The following BLNK variants were observed in gnomAD, a reference collection of about 807,000 sequenced individuals.
BLNK encodes B cell linker.
A neutral mutation model predicts 73.5 loss-of-function variants in BLNK; 29 were observed. That is an observed-to-expected ratio of 0.39 (90% CI 0.29 to 0.54). BLNK has a LOEUF of 0.54. Ranked by LOEUF, BLNK falls within the 20% of genes least tolerant of loss-of-function variation. The pLI is 0.61. For missense variants in BLNK, 460 were observed against 562.8 expected (o/e 0.82, Z 1.85); for synonymous variants, 176 against 200.8 (o/e 0.88, Z 1.04).
intron 3 of BLNK, among the ~76,000 whole-genome samples, chr10:96,237,145 C>T (rs942769018): frequency 6.6e-6 from 1 of 152,168 alleles, no homozygotes; most frequent in Non-Finnish European, 1.5e-5. Context: ...CCCATGTCAG[C>T]GTAAGACCAG....
intron 2 of BLNK, 82 bp from the exon 3 acceptor site, chr10:96,242,866 G>A (rs1842922226): frequency 8.9e-7 from 1 of 1,128,892 alleles, no homozygotes; most frequent in African/African-American, 1.5e-5. Context: ...GATATAGACA[G>A]AATAGATAGA....
Position 96,191,178 on chromosome 10 carries a change from T to G in BLNK, c.*795A>C, listed in dbSNP as rs587645638. Reference sequence around the variant, plus strand: ...AACATGCCTTTGCTTCTTCTTTGCCTTCTGCCATGATTGTGAGGCCTCCCC... The same window carrying G: ...AACATGCCTTTGCTTCTTCTTTGCCGTCTGCCATGATTGTGAGGCCTCCCC... On this transcript the variant is annotated 3_prime_UTR_variant, in exon 17 of 17. Transcript: ENST00000224337. Among the ~76,000 whole-genome samples the G allele has an allele frequency of 6.6e-6, 1 of 151,922 alleles. No individual in the cohort carries two copies. The highest frequency in any genetic ancestry group is 6.5e-5 in the Admixed American group (1 of 15,270).
rs111404718 is a variant in BLNK at position 96,228,413 on chromosome 10, C to T, written c.205-847G>A. 2.4e-3 allele frequency among the ~76,000 whole-genome samples: 363 copies of T among 152,240 alleles called. 2 individuals carry two copies. Among genetic ancestry groups the T allele is most frequent in the African/African-American group, 7.6e-3 (317 of 41,530 alleles). On this transcript the variant is annotated intron_variant, in intron 4 of 16. Coordinates refer to ENST00000224337, the MANE Select transcript of BLNK (RefSeq NM_013314.4). ...GCTGGGATTACAAATTGCACCACCA[C>T]GCCCAGCTAATTTTTGTATTTTTAG...
At chr10:96,206,780 T>A (rs1263561397) in intron 11 of BLNK, among the ~76,000 whole-genome samples, 1 of 152,358 alleles carries the variant, frequency 6.6e-6, no homozygotes, top group African/African-American at 2.4e-5. Flanking sequence ...GCAAGTCATA[T>A]CTGTCTGCCA....
intron 1 of BLNK, among the ~76,000 whole-genome samples, chr10:96,270,623 A>C (rs1317579431): frequency 6.6e-6 from 1 of 152,114 alleles, no homozygotes; most frequent in Non-Finnish European, 1.5e-5. Flanking sequence ...TAAAAAAAAA[A>C]AACTGTTAAA....
intron 15 of BLNK, among the ~76,000 whole-genome samples, chr10:96,198,382 A>G (rs1265019023): frequency 3.3e-5 from 5 of 152,258 alleles, no homozygotes; most frequent in African/African-American, 9.6e-5. Context: ...CTTATTGGAT[A>G]TAAGAGAAAA....
intron 4 of BLNK, among the ~76,000 whole-genome samples, chr10:96,229,696 G>A (rs1429522220): frequency 2.7e-5 from 4 of 149,600 alleles, no homozygotes; most frequent in African/African-American, 9.8e-5. Flanking sequence ...GTTCGTGTGT[G>A]CACGCGCGTG....
In BLNK at chr10:96,189,593, T is replaced by G; in HGVS notation, c.*2380A>C. On this transcript the variant is annotated 3_prime_UTR_variant, in exon 17 of 17. Coordinates refer to ENST00000224337, the MANE Select transcript of BLNK (RefSeq NM_013314.4). ...CTTGTCCTTTTAATCTTGGTGTTGA[T>G]GATGGGTTTGAGTGTTTTCTATTCT... 1.5e-6 allele frequency: 1 copy of G among 689,642 alleles called. No homozygotes were observed. The highest frequency in any genetic ancestry group is 1.4e-5 in the South Asian group (1 of 73,244). 42.7% of individuals were successfully genotyped at this position (689,642 alleles called of 1,614,324 possible). A position where few individuals can be genotyped will look rare whatever the true frequency, so the allele number is the denominator to read the frequency against.
chr10:96,210,319 C>T, intron 8 of BLNK: 1 of 238,094 alleles, frequency 4.2e-6, no homozygotes. Context: ...GCAGAGGTGC[C>T]CAGAGACAGA....
intron 16 of BLNK, among the ~76,000 whole-genome samples, chr10:96,193,562 T>C (rs1441249465): frequency 6.6e-6 from 1 of 152,208 alleles, no homozygotes; most frequent in Non-Finnish European, 1.5e-5. Flanking sequence ...AGAATATTTG[T>C]GATTTAATTT....
intron 15 of BLNK, among the ~76,000 whole-genome samples, chr10:96,198,732 C>T (rs1227292196): frequency 6.6e-6 from 1 of 152,210 alleles, no homozygotes; most frequent in African/African-American, 2.4e-5. Flanking sequence ...CAGTCTCACT[C>T]TTGTTGCCCA....
In BLNK at chr10:96,204,766, T is replaced by C; in HGVS notation, c.818-150A>G. 7 of 650,626 alleles carry C rather than the reference T, an allele frequency of 1.1e-5. No individual in the cohort carries two copies. The South Asian group carries it at 1.1e-4, about 10-fold the overall frequency. The allele number at this position is 650,626 out of a possible 1,614,324, so 40.3% of individuals were successfully genotyped here. On this transcript the variant is annotated intron_variant, in intron 11 of 16. Transcript: ENST00000224337. ...ACTGAGATGTCATGGATCTGTGCAC[T>C]TGCCAGTCTGTTGATGTGGTTGTGC...
chr10:96,238,922 T>G, intron 3 of BLNK: 1 of 389,824 alleles, frequency 2.6e-6, no homozygotes, highest in Admixed American at 4.4e-5. Context: ...AAATATGATT[T>G]ACATTCAGAT....
intron 3 of BLNK, 52 bp downstream of exon 3, chr10:96,242,683 A>G: frequency 2.0e-6 from 3 of 1,504,262 alleles, no homozygotes; most frequent in Admixed American, 3.3e-5. Flanking sequence ...AAATGTAAAT[A>G]TGAACATTAA....
At chr10:96,193,618 C>CT (rs1264292267) in intron 16 of BLNK, among the ~76,000 whole-genome samples, 2 of 152,244 alleles carry the variant, frequency 1.3e-5, no homozygotes, top group East Asian at 3.9e-4. Flanking sequence ...CCTCACTCTC[C>CT]TTTTTTTCTG....
chr10:96,204,692 G>A (rs1398508298), intron 11 of BLNK, 76 bp from the exon 12 acceptor site: 30 of 1,372,918 alleles, frequency 2.2e-5, no homozygotes, highest in Non-Finnish European at 2.2e-5. Flanking sequence ...AACATCAGCT[G>A]AGAAGAACCA....
At chr10:96,199,391 A>AAT (rs1554895488) in intron 15 of BLNK, 1 of 333,258 alleles carries the variant, frequency 3.0e-6, no homozygotes, top group Non-Finnish European at 6.2e-6. Context: ...TCTTGACTCA[A>AAT]ATTTTTAATC....
intron 2 of BLNK, among the ~76,000 whole-genome samples, chr10:96,246,587 C>A (rs1322361494): frequency 6.6e-6 from 1 of 152,102 alleles, no homozygotes; most frequent in African/African-American, 2.4e-5. Flanking sequence ...AAACAAAACC[C>A]CAAAAAAAGG....
At chr10:96,203,464 G>A (rs2083705391) in intron 13 of BLNK, 1 of 152,196 alleles carries the variant, frequency 6.6e-6, no homozygotes, top group African/African-American at 2.4e-5. Flanking sequence ...AATTATCTAT[G>A]TAAAGCAGAG....
Sources: allele counts gnomAD v4.1 joint callset (sites outside exome capture counted in the v4.1 genomes callset), GRCh38; gene constraint gnomAD v4.1.1; transcripts MANE v1.5; gene names NCBI Gene and HGNC (gene_info 2026-07-23, HGNC 2026-07-21).